Variants in ITPRID2 observed in about 807,000 individuals in gnomAD.
ITPRID2 encodes the protein ITPR interacting domain containing 2.
Under a neutral mutation model 124.3 loss-of-function variants are expected in ITPRID2, and 60 were observed. That is an observed-to-expected ratio of 0.48 (90% CI 0.39 to 0.60). The LOEUF is 0.60. ITPRID2 is among the 20% of genes least tolerant of loss of function. The pLI, the probability that ITPRID2 is intolerant of heterozygous loss-of-function variation, is 0.00. For synonymous variants in ITPRID2, 521 were observed against 542.9 expected, an observed-to-expected ratio of 0.96 and a Z score of 0.56; for missense variants, 1,553 against 1,512.2, an observed-to-expected ratio of 1.03 and a Z score of -0.45.
In ITPRID2 at chr2:181,892,934, C is replaced by A. The variant is rs910378880; in HGVS notation, c.257+274C>A. 10 of 547,928 alleles carry A rather than the reference C, an allele frequency of 1.8e-5. No individual in the cohort carries two copies. Among genetic ancestry groups the A allele is most frequent in the East Asian group, 5.8e-5 (2 of 34,730 alleles). 33.9% of individuals were successfully genotyped at this position (547,928 alleles called of 1,614,324 possible). On this transcript the variant is annotated intron_variant, in intron 2 of 17. Transcript: ENST00000431877. This position sits in a 1 kb window ranked among gnomAD's most constrained non-coding sequence, Gnocchi z 5.2. ...AGATCAGAAATCCAGAACAGATAAT[C>A]ATGCCATATTTGTTCTGTTTTTATT...
At chr2:181,897,187 T>G (rs998896597) in intron 4 of ITPRID2, among the ~76,000 whole-genome samples, 5 of 152,004 alleles carry the variant, frequency 3.3e-5, no homozygotes, top group Non-Finnish European at 4.4e-5. Flanking sequence ...CCATCTGTCT[T>G]TCTTGGACTA....
Position 181,892,098 on chromosome 2 carries a change from C to CGGAGGA in ITPRID2, c.36_41dup (p.Glu13_Glu14dup). Reference sequence around the variant, plus strand: ...CGGCCCCTGTCGTCGTCGGCGGAGGCGGAGGAGGAACTGGAGTGGCAAGTG... The same window carrying CGGAGGA: ...CGGCCCCTGTCGTCGTCGGCGGAGGCGGAGGAGGAGGAGGAACTGGAGTGGCAAGTG... On this transcript the variant is annotated inframe_insertion, in exon 1 of 18. Coordinates refer to ENST00000431877, the MANE Select transcript of ITPRID2 (RefSeq NM_001130445.3). The surrounding 1 kb of genome is among the most constrained non-coding windows in gnomAD (Gnocchi z 5.2). 2.6e-6 allele frequency: 4 copies of CGGAGGA among 1,556,648 alleles called. No homozygotes were observed. Among genetic ancestry groups the CGGAGGA allele is most frequent in the Non-Finnish European group, 3.5e-6 (4 of 1,151,230 alleles).
At chr2:181,897,262 A>G (rs1692276914) in intron 4 of ITPRID2, among the ~76,000 whole-genome samples, 1 of 152,034 alleles carries the variant, frequency 6.6e-6, no homozygotes, top group African/African-American at 2.4e-5. Flanking sequence ...TTGTCCTGAA[A>G]AAGGAAGGAC....
At position 181,922,304 on chromosome 2, in the gene ITPRID2, A is replaced by G. The variant is rs375691187; in HGVS notation, c.3567A>G (p.Gly1189=). 298 of 1,614,078 alleles carry G rather than the reference A, an allele frequency of 1.8e-4. No homozygotes were observed. The highest frequency in any genetic ancestry group is 2.4e-4 in the Non-Finnish European group (287 of 1,180,042). Residue 1189 remains glycine (G), a synonymous_variant, in exon 16 of 18, where the codon GGA becomes GGG. Coordinates refer to ENST00000431877, the MANE Select transcript of ITPRID2 (RefSeq NM_001130445.3). ...CTGAAGGAGCCCCAGAAGTTGTAGG[A>G]CCTAAATCTGAAGTGGAAGAAGGGC... The part of the protein sequence containing the change: ...DAAEGAPEVV[G]PKSEVEEGHG...
Position 181,915,695 on chromosome 2 carries a change from C to T in ITPRID2, c.2055C>T (p.Pro685=), listed in dbSNP as rs772605975. The part of the protein sequence containing the change: ...DMSSENTTGP[P]SSMDRVNTAL... ...GCTCTGAAAATACAACTGGGCCTCC[C>T]TCTTCCATGGACAGAGTTAATACAG... Residue 685 remains proline (P), a synonymous_variant, in exon 11 of 18, where the codon CCC becomes CCT. Coordinates refer to ENST00000431877, the MANE Select transcript of ITPRID2 (RefSeq NM_001130445.3). The T allele has an allele frequency of 6.2e-6, 10 of 1,614,064 alleles. No homozygotes were observed. The highest frequency in any genetic ancestry group is 3.3e-5 in the South Asian group (3 of 91,090).
Position 181,907,755 on chromosome 2 carries a change from A to G in ITPRID2, c.1414-2144A>G, listed in dbSNP as rs1305546341. On this transcript the variant is annotated intron_variant, in intron 8 of 17. Coordinates refer to ENST00000431877, the MANE Select transcript of ITPRID2 (RefSeq NM_001130445.3). The surrounding 1 kb of genome is among the most constrained non-coding windows in gnomAD (Gnocchi z 5.1). ...GCCGCCTTTTGCACAATTGTGACCA[A>G]TAATAAAATAAGAAATTCACCCATT... 6.6e-6 allele frequency among the ~76,000 whole-genome samples: 1 copy of G among 152,174 alleles called. No homozygotes were observed. The highest frequency in any genetic ancestry group is 2.4e-5 in the African/African-American group (1 of 41,438).
At chr2:181,894,866 T>C (rs531644860) in intron 2 of ITPRID2, among the ~76,000 whole-genome samples, 1 of 152,252 alleles carries the variant, frequency 6.6e-6, no homozygotes, top group Admixed American at 6.5e-5. Context: ...TCTACCATTT[T>C]CTGTTAGTGC....
chr2:181,921,919 G>A, intron 15 of ITPRID2, 29 bp from the exon 16 acceptor site: 1 of 1,583,608 alleles, frequency 6.3e-7, no homozygotes, highest in Non-Finnish European at 8.6e-7. Flanking sequence ...TTCCAAGAGA[G>A]AAGAATAACA....
chr2:181,891,900 C>T lies in ITPRID2; in HGVS notation c.-167C>T, dbSNP rs1691719870. On this transcript the variant is annotated 5_prime_UTR_variant, in exon 1 of 18. Transcript: ENST00000431877. The stretch of plus-strand genomic sequence containing the variant: ...CTCCGCCCCTTCCCTCCCCTTCCTT[C>T]CCTCCCTCCCTCCCTGTCCCCTCCT... 5 of 288,856 alleles carry T rather than the reference C, an allele frequency of 1.7e-5. 1 individual carries two copies. Among genetic ancestry groups the T allele is most frequent in the East Asian group, 3.0e-4 (2 of 6,718 alleles). The allele number at this position is 288,856 out of a possible 1,614,324, so 17.9% of individuals were successfully genotyped here. A position where few individuals can be genotyped will look rare whatever the true frequency, so the allele number is the denominator to read the frequency against.
chr2:181,913,189 T>A (rs1693750928), intron 9 of ITPRID2, among the ~76,000 whole-genome samples: 2 of 152,122 alleles, frequency 1.3e-5, no homozygotes, highest in African/African-American at 4.8e-5. Flanking sequence ...TGCCTCAGCC[T>A]CTCGAGTAGC....
At position 181,892,727 on chromosome 2, in the gene ITPRID2, C is replaced by T; in HGVS notation, c.257+67C>T. On this transcript the variant is annotated intron_variant, in intron 2 of 17. Transcript: ENST00000431877. This position sits in a 1 kb window ranked among gnomAD's most constrained non-coding sequence, Gnocchi z 5.2. ...TGCGGACGGGACGCCGGAGCAGAGC[C>T]ACTCGGGCCGCGTCCCTGTGGGTCC... is the stretch of plus-strand genomic sequence containing the variant. 2 of 1,593,106 alleles carry T rather than the reference C, an allele frequency of 1.3e-6. No homozygotes were observed. Among genetic ancestry groups the T allele is most frequent in the African/African-American group, 1.3e-5 (1 of 74,568 alleles).
At chr2:181,922,690 G>A (rs1007857978) in intron 16 of ITPRID2, among the ~76,000 whole-genome samples, 21 of 152,152 alleles carry the variant, frequency 1.4e-4, no homozygotes, top group African/African-American at 4.8e-4. Context: ...TAAACATGAC[G>A]TACTCTTTGG....
intron 4 of ITPRID2, among the ~76,000 whole-genome samples, chr2:181,898,488 C>T (rs1692393082): frequency 6.6e-6 from 1 of 151,920 alleles, no homozygotes; most frequent in African/African-American, 2.4e-5. Flanking sequence ...AATGTTAAAT[C>T]ATGTTTTCCT....
At chr2:181,898,617 G>T (rs550121011) in intron 4 of ITPRID2, among the ~76,000 whole-genome samples, 1 of 151,808 alleles carries the variant, frequency 6.6e-6, no homozygotes, top group African/African-American at 2.4e-5. Context: ...TTCCCTATAC[G>T]TTTTTTTATT....
In ITPRID2 at chr2:181,916,329, C is replaced by T. The variant is rs1459209749; in HGVS notation, c.2689C>T (p.Pro897Ser). ...TTACTCACATAGACATGCCACCTAC[C>T]CTTACCGAGTGTGCTCTGTGAATCC... ...CPYSHRHATYPYRVCSVNPPS... is the reference protein window; with the variant it reads ...CPYSHRHATYSYRVCSVNPPS... Residue 897 changes from proline to serine, a missense_variant, in exon 11 of 18, where the codon CCT (proline) becomes TCT (serine). Pro to Ser is a moderately conservative substitution (Grantham distance 74). Coordinates refer to ENST00000431877, the MANE Select transcript of ITPRID2 (RefSeq NM_001130445.3). The T allele has an allele frequency of 1.2e-6, 2 of 1,614,178 alleles. No individual in the cohort carries two copies. The highest frequency in any genetic ancestry group is 2.2e-5 in the East Asian group (1 of 44,882).
intron 11 of ITPRID2, chr2:181,918,100 T>A (rs901774713): frequency 1.2e-5 from 2 of 167,330 alleles, no homozygotes; most frequent in Non-Finnish European, 2.4e-5. Flanking sequence ...TTTTTTAAAA[T>A]TTCCTTTATT....
chr2:181,926,292 A>T (rs1271985402), intron 16 of ITPRID2, among the ~76,000 whole-genome samples: 1 of 152,198 alleles, frequency 6.6e-6, no homozygotes, highest in Non-Finnish European at 1.5e-5. Context: ...AATATATTTT[A>T]TGAAACAGTA....
chr2:181,892,027 C>A lies in ITPRID2; in HGVS notation c.-40C>A. On this transcript the variant is annotated 5_prime_UTR_variant, in exon 1 of 18. Coordinates refer to ENST00000431877, the MANE Select transcript of ITPRID2 (RefSeq NM_001130445.3). This position sits in a 1 kb window ranked among gnomAD's most constrained non-coding sequence, Gnocchi z 5.2. ...GGGTCCCTGCCGCCGCCTTGTCTCGCGCAGGGTCCGGCTGGGGTAGCGGAG... is the reference window on the plus strand; with the variant it reads ...GGGTCCCTGCCGCCGCCTTGTCTCGAGCAGGGTCCGGCTGGGGTAGCGGAG... 1 of 1,539,268 alleles carries A rather than the reference C, an allele frequency of 6.5e-7. No homozygotes were observed. Among genetic ancestry groups the A allele is most frequent in the Non-Finnish European group, 8.8e-7 (1 of 1,141,050 alleles).
rs1237956077 is a variant in ITPRID2, at chr2:181,929,816, A to G, written c.*269A>G. 6.8e-6 allele frequency: 3 copies of G among 439,004 alleles called. No individual in the cohort carries two copies. Among genetic ancestry groups the G allele is most frequent in the East Asian group, 3.5e-5 (1 of 28,470 alleles). 27.2% of individuals were successfully genotyped at this position (439,004 alleles called of 1,614,324 possible). A position where few individuals can be genotyped will look rare whatever the true frequency, so the allele number is the denominator to read the frequency against. Reference sequence around the variant, plus strand: ...ATTTATTTGTATGTCAGTATTTTTCATTTGATTCCCTATTAGAATTAATTT... The same window carrying G: ...ATTTATTTGTATGTCAGTATTTTTCGTTTGATTCCCTATTAGAATTAATTT... On this transcript the variant is annotated 3_prime_UTR_variant, in exon 18 of 18. Transcript: ENST00000431877.
Sources: gnomAD v4.1 joint callset for allele counts (sites outside exome capture counted in the v4.1 genomes callset) on GRCh38, gnomAD v4.1.1 for gene constraint, Gnocchi (gnomAD v3.1) non-coding constraint, MANE v1.5 for transcripts, NCBI Gene and HGNC (gene_info 2026-07-23, HGNC 2026-07-21) for gene names.